Variants in LMO7 observed in about 807,000 individuals in gnomAD.
LMO7 encodes LIM domain only protein 7.
Under a neutral mutation model 206.5 loss-of-function variants are expected in LMO7, and 120 were observed. The ratio of observed to expected loss-of-function variants is 0.58; its 90% CI spans 0.50 to 0.68. The LOEUF (loss-of-function observed/expected upper bound fraction) is 0.68, where lower values mean the gene tolerates loss of function less well. Among genes scored for constraint, LMO7 ranks in the 30% least tolerant of loss-of-function variants. The probability of loss-of-function intolerance (pLI) is 0.00; values close to 1 mark genes in which losing one functional copy is unlikely to be tolerated. For synonymous variants in LMO7, 706 were observed against 681.5 expected (o/e 1.04, Z -0.56); for missense variants, 1,959 against 1,957.9 (o/e 1.00, Z -0.01).
intron 27 of LMO7, among the ~76,000 whole-genome samples, chr13:75,849,938 CTT>C (rs921250439): frequency 3.9e-5 from 6 of 152,154 alleles, no homozygotes; most frequent in African/African-American, 1.4e-4. Context: ...ATATTAATAA[CTT>C]TGTAAAAATC....
At chr13:75,678,944 A>G (rs2040252220) in intron 1 of LMO7, among the ~76,000 whole-genome samples, 1 of 152,186 alleles carries the variant, frequency 6.6e-6, no homozygotes, top group Non-Finnish European at 1.5e-5. Context: ...GGAAGTTTGG[A>G]AAAGACCTTA....
At chr13:75,832,272 A>C (rs1411541796) in intron 15 of LMO7, among the ~76,000 whole-genome samples, 3 of 152,144 alleles carry the variant, frequency 2.0e-5, no homozygotes, top group African/African-American at 7.2e-5. Flanking sequence ...TGAAATTTGG[A>C]ATTTGTTGTG....
intron 3 of LMO7, among the ~76,000 whole-genome samples, chr13:75,759,100 G>A (rs2047932849): frequency 6.6e-6 from 1 of 152,104 alleles, no homozygotes; most frequent in Non-Finnish European, 1.5e-5. Context: ...AGAGCGAAGG[G>A]GGAAGAGCTC....
At chr13:75,734,744 C>T (rs1449699887) in intron 3 of LMO7, among the ~76,000 whole-genome samples, 1 of 152,184 alleles carries the variant, frequency 6.6e-6, no homozygotes, top group Non-Finnish European at 1.5e-5. Context: ...TTCCTTCCTA[C>T]CAAGTTGCCT....
At chr13:75,726,054 C>G (rs1476096446) in intron 2 of LMO7, among the ~76,000 whole-genome samples, 1 of 148,144 alleles carries the variant, frequency 6.8e-6, no homozygotes, top group East Asian at 2.0e-4. Flanking sequence ...TTAATGATTT[C>G]TCCTTTATTT....
intron 2 of LMO7, among the ~76,000 whole-genome samples, chr13:75,715,537 A>C (rs1440062956): frequency 6.6e-6 from 1 of 152,202 alleles, no homozygotes; most frequent in African/African-American, 2.4e-5. Context: ...AATGTTTCCC[A>C]AAAGTAGCTT....
At chr13:75,841,606 T>G in intron 23 of LMO7, 22 bp from the exon 24 acceptor site, 1 of 1,500,912 alleles carries the variant, frequency 6.7e-7, no homozygotes, top group South Asian at 1.2e-5. Flanking sequence ...TAGATGGATT[T>G]CTTTTTTCAC....
At position 75,834,288 on chromosome 13, in the gene LMO7, A is replaced by G. The variant is rs1385483361; in HGVS notation, c.3127A>G (p.Lys1043Glu). The stretch of plus-strand genomic sequence containing the variant: ...TGAAATTATTGCTATTAACAACACC[A>G]AGTTTTCATATAACGATTCAAAAGA... Reference protein sequence around the residue: ...DDEIIAINNTKFSYNDSKEWE... With the variant: ...DDEIIAINNTEFSYNDSKEWE... Residue 1043 changes from lysine (K) to glutamate (E), a missense_variant, in exon 17 of 31, where the codon AAG becomes GAG. Lys to Glu is a moderately conservative substitution (Grantham distance 56, BLOSUM62 1). Transcript: ENST00000377534. 6.2e-7 allele frequency: 1 copy of G among 1,611,564 alleles called. No homozygotes were observed. The highest frequency in any genetic ancestry group is 8.5e-7 in the Non-Finnish European group (1 of 1,178,620).
chr13:75,838,398 C>T (rs1038255161), intron 20 of LMO7: 1 of 1,318,816 alleles, frequency 7.6e-7, no homozygotes, highest in Non-Finnish European at 9.9e-7. Flanking sequence ...GGTAATGGGT[C>T]TTTGTGTGTC....
chr13:75,749,233 G>A (rs1477044236), intron 3 of LMO7, among the ~76,000 whole-genome samples: 1 of 152,166 alleles, frequency 6.6e-6, no homozygotes, highest in Non-Finnish European at 1.5e-5. Context: ...CGGCTTTAAA[G>A]TTTTACCACA....
intron 26 of LMO7, among the ~76,000 whole-genome samples, chr13:75,846,103 T>TAAAA (rs34018345): frequency 2.0e-5 from 3 of 147,060 alleles, no homozygotes; most frequent in Non-Finnish European, 1.5e-5. Context: ...ACAGAAAAGT[T>TAAAA]AAAAAAAAAA....
rs1437858172 is a variant in LMO7 at position 75,852,947 on chromosome 13, A to T, written c.4365-145A>T. 8 of 656,382 alleles carry T rather than the reference A, an allele frequency of 1.2e-5. No homozygotes were observed. The Admixed American group carries it at 2.5e-4, about 21-fold the overall frequency. 40.7% of individuals were successfully genotyped at this position (656,382 alleles called of 1,614,324 possible). On this transcript the variant is annotated intron_variant, in intron 27 of 30. Transcript: ENST00000377534. The stretch of plus-strand genomic sequence containing the variant: ...ATAACCCCATCATCATACATCAAGG[A>T]ACATCTGTATATGTAACTAGAATAC...
At chr13:75,644,921 C>G (rs748014948) in intron 1 of LMO7, among the ~76,000 whole-genome samples, 1 of 152,238 alleles carries the variant, frequency 6.6e-6, no homozygotes, top group Non-Finnish European at 1.5e-5. Flanking sequence ...TGTGAGCCAC[C>G]ATGCCCAGCC....
chr13:75,768,379 T>G (rs2049175514), intron 4 of LMO7, among the ~76,000 whole-genome samples: 1 of 152,078 alleles, frequency 6.6e-6, no homozygotes, highest in Non-Finnish European at 1.5e-5. Context: ...AATCAACAAT[T>G]TATCCATTTT....
intron 1 of LMO7, among the ~76,000 whole-genome samples, chr13:75,649,813 C>T (rs920974032): frequency 9.2e-5 from 14 of 152,158 alleles, no homozygotes; most frequent in Non-Finnish European, 1.8e-4. Context: ...TCATTATCAT[C>T]TGCTATATAA....
chr13:75,826,720 CAT>C (rs1371510168), intron 15 of LMO7, among the ~76,000 whole-genome samples: 1 of 152,110 alleles, frequency 6.6e-6, no homozygotes, highest in Non-Finnish European at 1.5e-5. Context: ...GTTTTAGAAA[CAT>C]AAAAATTGAG....
chr13:75,621,944 C>T, intron 1 of LMO7: 1 of 1,054,802 alleles, frequency 9.5e-7, no homozygotes, highest in Non-Finnish European at 1.3e-6. Flanking sequence ...TTTGGCTTTT[C>T]TTTAGGAACA....
chr13:75,655,961 C>T (rs961936084), intron 1 of LMO7, among the ~76,000 whole-genome samples: 4 of 152,112 alleles, frequency 2.6e-5, no homozygotes, highest in Admixed American at 2.0e-4. Flanking sequence ...AGTGAATCTG[C>T]AGCAAGTCCT....
intron 4 of LMO7, among the ~76,000 whole-genome samples, chr13:75,782,376 A>C (rs959758535): frequency 6.6e-6 from 1 of 152,232 alleles, no homozygotes; most frequent in Non-Finnish European, 1.5e-5. Flanking sequence ...GAATTATAAC[A>C]ATATAATAAA....
Sources: allele counts gnomAD v4.1 joint callset (sites outside exome capture counted in the v4.1 genomes callset), GRCh38; gene constraint gnomAD v4.1.1; transcripts MANE v1.5; gene names NCBI Gene and HGNC (gene_info 2026-07-23, HGNC 2026-07-21).